BACH2: variants seen among roughly 807,000 people sequenced by gnomAD.
BACH2 encodes the protein BACH transcriptional regulator 2, also known as transcription regulator protein BACH2.
BACH2 carries 5 observed loss-of-function variants against 61.8 expected under a neutral mutation model. That is an observed-to-expected ratio of 0.08 (90% confidence interval 0.04 to 0.17). The LOEUF is 0.17. BACH2 is among the 10% of genes least tolerant of loss of function. The pLI, the probability that BACH2 is intolerant of heterozygous loss-of-function variation, is 1.00. For synonymous variants in BACH2, 446 were observed against 440.1 expected (o/e 1.01, Z -0.17); for missense variants, 824 against 1,091.1 (o/e 0.76, Z 3.45).
In BACH2 at chr6:89,927,783, G is replaced by A. The variant is rs1772430291; in HGVS notation, c.*4625C>T. Reference sequence around the variant, plus strand: ...AAATACTATAAACTTTTCTTTGCAAGTAATGTTTTTGCACCGTCAGTTGAA... The same window carrying A: ...AAATACTATAAACTTTTCTTTGCAAATAATGTTTTTGCACCGTCAGTTGAA... On this transcript the variant is annotated 3_prime_UTR_variant, in exon 9 of 9. Transcript: ENST00000257749. The A allele has an allele frequency of 6.5e-6, 1 of 152,764 alleles. No individual in the cohort carries two copies. The highest frequency in any genetic ancestry group is 2.4e-5 in the African/African-American group (1 of 41,458). 9.5% of individuals were successfully genotyped at this position (152,764 alleles called of 1,614,324 possible).
At chr6:90,022,201 A>G (rs1289964801) in intron 5 of BACH2, among the ~76,000 whole-genome samples, 1 of 152,192 alleles carries the variant, frequency 6.6e-6, no homozygotes, top group Non-Finnish European at 1.5e-5. Flanking sequence ...TTATTCTTTC[A>G]AATAGGCCAA....
intron 1 of BACH2, among the ~76,000 whole-genome samples, chr6:90,282,033 T>C (rs1019737436): frequency 1.3e-5 from 2 of 152,128 alleles, no homozygotes; most frequent in Admixed American, 6.5e-5. Flanking sequence ...CATTGCCAAA[T>C]AGTATCACAG....
chr6:89,935,965 T>C (rs1362480724), intron 8 of BACH2, among the ~76,000 whole-genome samples: 1 of 152,248 alleles, frequency 6.6e-6, no homozygotes, highest in East Asian at 1.9e-4. Context: ...AATTAAATTT[T>C]GTTGTTTAAC....
At chr6:90,165,847 C>T (rs908851598) in intron 4 of BACH2, among the ~76,000 whole-genome samples, 4 of 152,140 alleles carry the variant, frequency 2.6e-5, no homozygotes, top group Non-Finnish European at 5.9e-5. Context: ...GGAAAACTGG[C>T]TAGCCATTTG....
At chr6:90,112,941 C>G (rs375728413) in intron 4 of BACH2, among the ~76,000 whole-genome samples, 1 of 152,076 alleles carries the variant, frequency 6.6e-6, no homozygotes, top group Non-Finnish European at 1.5e-5. Context: ...AGAAAAAAAG[C>G]AGGGGTTACA....
chr6:90,169,570 G>C (rs773942970), intron 4 of BACH2, among the ~76,000 whole-genome samples: 2 of 152,170 alleles, frequency 1.3e-5, no homozygotes, highest in Non-Finnish European at 2.9e-5. Flanking sequence ...GCTTGTAATA[G>C]AGCATGGTCA....
At chr6:90,097,513 C>T (rs1165955638) in intron 4 of BACH2, among the ~76,000 whole-genome samples, 2 of 152,094 alleles carry the variant, frequency 1.3e-5, no homozygotes, top group Non-Finnish European at 2.9e-5. Context: ...GCACTTCTAC[C>T]CCATACACAC....
In BACH2 at chr6:90,055,223, GA is replaced by G. The variant is rs1260798115; in HGVS notation, c.-13+33737del. 2.6e-5 allele frequency among the ~76,000 whole-genome samples: 4 copies of G among 151,870 alleles called. No homozygotes were observed. The East Asian group carries it at 5.8e-4, about 22-fold the overall frequency. On this transcript the variant is annotated intron_variant, in intron 5 of 8. Coordinates refer to ENST00000257749, the MANE Select transcript of BACH2 (RefSeq NM_021813.4). ...CAATGGCAAAGAAGTTAAAAGCTTT[GA>G]AAAAAAATTAGACGAACGGATAACT...
chr6:90,253,432 T>C (rs1208869886), intron 2 of BACH2, among the ~76,000 whole-genome samples: 2 of 152,202 alleles, frequency 1.3e-5, no homozygotes, highest in African/African-American at 4.8e-5. Context: ...CCAAGTAAAC[T>C]GATAATTAGA....
At chr6:90,071,558 C>T (rs1219040403) in intron 5 of BACH2, among the ~76,000 whole-genome samples, 1 of 152,220 alleles carries the variant, frequency 6.6e-6, no homozygotes, top group Non-Finnish European at 1.5e-5. Context: ...GCAGTACAGC[C>T]TTTTCTTCCC....
At chr6:89,958,331 A>G (rs1296512846) in intron 6 of BACH2, among the ~76,000 whole-genome samples, 1 of 152,116 alleles carries the variant, frequency 6.6e-6, no homozygotes, top group Non-Finnish European at 1.5e-5. Flanking sequence ...ACTGTGTACT[A>G]TGCAAGGTCT....
At position 90,046,105 on chromosome 6, in the gene BACH2, G is replaced by A. The variant is rs77954682; in HGVS notation, c.-12-37249C>T. 2.5e-3 allele frequency among the ~76,000 whole-genome samples: 380 copies of A among 152,302 alleles called. 2 individuals carry two copies. Among genetic ancestry groups the A allele is most frequent in the African/African-American group, 8.7e-3 (361 of 41,572 alleles). ...ATGTCTTCCCCAGTGTCCCATCCAC[G>A]TCTGAAAGAGTGAAAGCTCTGTTTT... On this transcript the variant is annotated intron_variant, in intron 5 of 8. Transcript: ENST00000257749.
intron 7 of BACH2, among the ~76,000 whole-genome samples, chr6:89,945,003 CA>C (rs1363109186): frequency 6.6e-6 from 1 of 152,042 alleles, no homozygotes; most frequent in Non-Finnish European, 1.5e-5. Context: ...AGGGCACTAA[CA>C]AAAAAGATGG....
rs368181245 is a variant in BACH2, at chr6:90,039,488, G to A, written c.-12-30632C>T. ...CAATGTCCGCGTCCCAGGTTCAAGCGATTCTCCAGCCTCAGCCTCCTGAGT... is the reference window on the plus strand; with the variant it reads ...CAATGTCCGCGTCCCAGGTTCAAGCAATTCTCCAGCCTCAGCCTCCTGAGT... On this transcript the variant is annotated intron_variant, in intron 5 of 8. Coordinates refer to ENST00000257749, the MANE Select transcript of BACH2 (RefSeq NM_021813.4). Among the ~76,000 whole-genome samples, 35 of 152,244 alleles carry A rather than the reference G, an allele frequency of 2.3e-4. No individual in the cohort carries two copies. In the East Asian group the frequency reaches 4.8e-3, roughly 21 times the overall value.
intron 4 of BACH2, among the ~76,000 whole-genome samples, chr6:90,202,812 G>A (rs968223724): frequency 2.0e-5 from 3 of 152,122 alleles, no homozygotes; most frequent in Non-Finnish European, 4.4e-5. Flanking sequence ...TTCAAGAGAA[G>A]AACAACACTT....
chr6:90,132,323 A>G (rs1162046720), intron 4 of BACH2, among the ~76,000 whole-genome samples: 1 of 152,160 alleles, frequency 6.6e-6, no homozygotes, highest in Non-Finnish European at 1.5e-5. Flanking sequence ...CATACCCCCT[A>G]AACAGCTTTG....
intron 4 of BACH2, among the ~76,000 whole-genome samples, chr6:90,201,949 C>T (rs1196108110): frequency 6.6e-6 from 1 of 152,154 alleles, no homozygotes; most frequent in Non-Finnish European, 1.5e-5. Context: ...TCACCAATTC[C>T]TTACACAACC....
chr6:90,007,101 G>T (rs1582182832), intron 6 of BACH2, among the ~76,000 whole-genome samples: 2 of 148,336 alleles, frequency 1.3e-5, no homozygotes, highest in Admixed American at 6.7e-5. Context: ...TTGAGACAGG[G>T]TCTCGCCCTG....
At chr6:90,075,708 T>G (rs1781445788) in intron 5 of BACH2, among the ~76,000 whole-genome samples, 1 of 152,192 alleles carries the variant, frequency 6.6e-6, no homozygotes, top group South Asian at 2.1e-4. Flanking sequence ...TTTCAGAATC[T>G]TATGTATTCT....
Sources: allele counts gnomAD v4.1 joint callset (sites outside exome capture counted in the v4.1 genomes callset), GRCh38; gene constraint gnomAD v4.1.1; transcripts MANE v1.5; gene names NCBI Gene and HGNC (gene_info 2026-07-23, HGNC 2026-07-21).